ATP2B2: variants seen among roughly 807,000 people sequenced by gnomAD.
ATP2B2 encodes the protein ATPase plasma membrane Ca2+ transporting 2.
Under a neutral mutation model 120.0 loss-of-function variants are expected in ATP2B2, and 15 were observed. That is an observed-to-expected ratio of 0.12 (90% CI 0.08 to 0.19). The LOEUF is 0.19. Among genes scored for constraint, ATP2B2 ranks in the 10% least tolerant of loss-of-function variants. The pLI, the probability that ATP2B2 is intolerant of heterozygous loss-of-function variation, is 1.00. For missense variants in ATP2B2, 1,045 were observed against 1,719.8 expected, an observed-to-expected ratio of 0.61 and a Z score of 6.94; for synonymous variants, 694 against 700.3, an observed-to-expected ratio of 0.99 and a Z score of 0.14.
intron 2 of ATP2B2, among the ~76,000 whole-genome samples, chr3:10,540,126 C>G (rs539958813): frequency 1.3e-5 from 2 of 152,314 alleles, no homozygotes; most frequent in South Asian, 4.1e-4. Context: ...AAATGCTCAT[C>G]ATCACTGGCC....
chr3:10,437,204 T>C (rs1221414874), intron 2 of ATP2B2, among the ~76,000 whole-genome samples: 1 of 151,988 alleles, frequency 6.6e-6, no homozygotes, highest in Non-Finnish European at 1.5e-5. Flanking sequence ...CTGCGCAAGA[T>C]GCCTCCCTCT....
intron 3 of ATP2B2, among the ~76,000 whole-genome samples, chr3:10,524,515 T>C (rs1328032489): frequency 6.6e-6 from 1 of 152,184 alleles, no homozygotes; most frequent in Non-Finnish European, 1.5e-5. Flanking sequence ...AGATCTGTGC[T>C]CTAACCATTG....
At chr3:10,643,599 C>T (rs186157711) in intron 1 of ATP2B2, among the ~76,000 whole-genome samples, 43 of 152,328 alleles carry the variant, frequency 2.8e-4, no homozygotes, top group African/African-American at 9.4e-4. Context: ...GGTGGCATTC[C>T]AGCTAAGAAC....
In ATP2B2 at chr3:10,449,491, G is replaced by C. The variant is rs779940389; in HGVS notation, c.53C>G (p.Ser18Trp). The C allele has an allele frequency of 1.2e-6, 2 of 1,614,232 alleles. No individual in the cohort carries two copies. Among genetic ancestry groups the C allele is most frequent in the East Asian group, 2.2e-5 (1 of 44,884 alleles). The part of the protein sequence containing the change: ...DFYSKNQRNE[S>W]SHGGEFGCTM... ...GCACCCGAACTCGCCCCCATGGCTC[G>C]ACTCATTTCTTTGGTTTTTGGAGTA... is the stretch of plus-strand genomic sequence containing the variant. Residue 18 changes from serine (S) to tryptophan (W), a missense_variant, in exon 2 of 23, where the codon TCG (serine) becomes TGG (tryptophan). This residue lies in a region of ATP2B2 where 139 missense variants were observed against 134.2 expected (regional missense o/e 1.04). Transcript: ENST00000360273.
intron 2 of ATP2B2, among the ~76,000 whole-genome samples, chr3:10,417,208 C>G (rs561847710): frequency 2.0e-5 from 3 of 150,226 alleles, no homozygotes; most frequent in Non-Finnish European, 3.0e-5. Flanking sequence ...TGGGCAGAGG[C>G]GCTTCTAATT....
chr3:10,699,740 G>A (rs1023553296), intron 1 of ATP2B2, among the ~76,000 whole-genome samples: 1 of 152,176 alleles, frequency 6.6e-6, no homozygotes, highest in Non-Finnish European at 1.5e-5. Flanking sequence ...CTGACCTCAT[G>A]AATGAATTAA....
chr3:10,662,335 C>G (rs1474842443), intron 1 of ATP2B2, among the ~76,000 whole-genome samples: 1 of 151,052 alleles, frequency 6.6e-6, no homozygotes, highest in Admixed American at 6.6e-5. Flanking sequence ...TTTTTGCAAC[C>G]TACTCATCTG....
intron 2 of ATP2B2, among the ~76,000 whole-genome samples, chr3:10,436,299 T>C (rs544256782): frequency 6.6e-6 from 1 of 152,270 alleles, no homozygotes; most frequent in Non-Finnish European, 1.5e-5. Context: ...TACATTTCAC[T>C]ATTATCTATT....
chr3:10,460,546 C>T (rs1157776259), intron 1 of ATP2B2, among the ~76,000 whole-genome samples: 10 of 152,108 alleles, frequency 6.6e-5, no homozygotes, highest in Admixed American at 2.6e-4. Flanking sequence ...TGGGTGTAGG[C>T]GCTGGGGAAG....
Position 10,425,690 on chromosome 3 carries a change from T to C in ATP2B2, c.200-14875A>G, listed in dbSNP as rs1392910276. Among the ~76,000 whole-genome samples the C allele has an allele frequency of 2.0e-5, 3 of 152,194 alleles. No homozygotes were observed. In the South Asian group the frequency reaches 6.2e-4, roughly 31 times the overall value. On this transcript the variant is annotated intron_variant, in intron 2 of 22. Transcript: ENST00000360273. ...AGAGTCCACTCCTGCCTCCTGTACCTGTTACACCATCCAGCAAAATTCAAG... is the reference window on the plus strand; with the variant it reads ...AGAGTCCACTCCTGCCTCCTGTACCCGTTACACCATCCAGCAAAATTCAAG...
intron 1 of ATP2B2, among the ~76,000 whole-genome samples, chr3:10,459,106 CGAAG>C (rs1393684946): frequency 2.6e-5 from 4 of 152,130 alleles, no homozygotes; most frequent in Non-Finnish European, 5.9e-5. Context: ...GGCTGGAGGC[CGAAG>C]GAAGGAGAAA....
At chr3:10,526,856 T>C (rs1223361402) in intron 3 of ATP2B2, among the ~76,000 whole-genome samples, 1 of 152,110 alleles carries the variant, frequency 6.6e-6, no homozygotes, top group Non-Finnish European at 1.5e-5. Context: ...GTAACCATGA[T>C]GATAGTGATG....
At chr3:10,551,043 A>G (rs1182750023) in intron 2 of ATP2B2, among the ~76,000 whole-genome samples, 2 of 152,152 alleles carry the variant, frequency 1.3e-5, no homozygotes, top group African/African-American at 4.8e-5. Flanking sequence ...GTGTGTGGAG[A>G]CCTTCTGCTC....
intron 1 of ATP2B2, among the ~76,000 whole-genome samples, chr3:10,453,979 C>T (rs989390975): frequency 2.7e-5 from 4 of 150,496 alleles, no homozygotes; most frequent in Non-Finnish European, 5.9e-5. Flanking sequence ...CACTCGCTCA[C>T]TCACTGACCC....
At chr3:10,692,433 C>T (rs1205769468) in intron 1 of ATP2B2, among the ~76,000 whole-genome samples, 2 of 152,140 alleles carry the variant, frequency 1.3e-5, no homozygotes, top group Non-Finnish European at 2.9e-5. Flanking sequence ...CACAGGGACC[C>T]GACAGGAGAT....
intron 3 of ATP2B2, among the ~76,000 whole-genome samples, chr3:10,515,373 G>A (rs986284108): frequency 1.3e-5 from 2 of 152,182 alleles, no homozygotes; most frequent in African/African-American, 4.8e-5. Context: ...TAGACAATCT[G>A]ATCTAAACAA....
At chr3:10,432,134 G>C (rs911285867) in intron 2 of ATP2B2, among the ~76,000 whole-genome samples, 1 of 152,222 alleles carries the variant, frequency 6.6e-6, no homozygotes, top group Admixed American at 6.5e-5. Context: ...CCAGGCAGGC[G>C]CTGGTTTGGA....
chr3:10,484,443 G>A (rs988329651), intron 1 of ATP2B2, among the ~76,000 whole-genome samples: 2 of 152,046 alleles, frequency 1.3e-5, no homozygotes, highest in Admixed American at 6.5e-5. Context: ...GTGTCTCCCC[G>A]TACCCCCACA....
intron 12 of ATP2B2, among the ~76,000 whole-genome samples, chr3:10,361,082 G>A (rs1321033452): frequency 1.3e-5 from 2 of 152,294 alleles, no homozygotes; most frequent in African/African-American, 4.8e-5. Context: ...GCTGCTGTAC[G>A]TGCTGATAAT....
Sources: gnomAD v4.1 joint callset for allele counts (sites outside exome capture counted in the v4.1 genomes callset) on GRCh38, gnomAD v4.1.1 for gene constraint, gnomAD v4.1.1 regional missense constraint, MANE v1.5 for transcripts, NCBI Gene and HGNC (gene_info 2026-07-23, HGNC 2026-07-21) for gene names.